Variants in AIG1 observed in about 807,000 individuals in gnomAD.
AIG1 encodes the protein androgen induced 1.
Under a neutral mutation model 31.4 loss-of-function variants are expected in AIG1, and 23 were observed. That is an observed-to-expected ratio of 0.73 (90% CI 0.53 to 1.04). The LOEUF (loss-of-function observed/expected upper bound fraction) is 1.04. AIG1 is among the 50% of genes least tolerant of loss of function. The pLI is 0.00. For missense variants in AIG1, 274 were observed against 295.0 expected, an observed-to-expected ratio of 0.93 and a Z score of 0.52; for synonymous variants, 100 against 110.5, an observed-to-expected ratio of 0.90 and a Z score of 0.60.
intron 2 of AIG1, among the ~76,000 whole-genome samples, chr6:143,156,830 C>T (rs1221591336): frequency 1.3e-5 from 2 of 152,290 alleles, no homozygotes; most frequent in South Asian, 2.1e-4. Flanking sequence ...TTGCGTTAGC[C>T]AGTCATTGGG....
intron 1 of AIG1, among the ~76,000 whole-genome samples, chr6:143,124,490 C>T (rs1180597351): frequency 6.6e-6 from 1 of 152,252 alleles, no homozygotes; most frequent in East Asian, 1.9e-4. Flanking sequence ...TGCACCTGCT[C>T]ATCGGTGGTG....
At chr6:143,174,486 CAAAAAAAAA>C (rs71024844) in intron 3 of AIG1, among the ~76,000 whole-genome samples, 1 of 59,660 alleles carries the variant, frequency 1.7e-5, no homozygotes. Flanking sequence ...GACTCCGTCT[CAAAAAAAAA>C]AAAAAAAAAA....
intron 1 of AIG1, among the ~76,000 whole-genome samples, chr6:143,127,067 A>G (rs17072258): frequency 0.039 from 5,920 of 152,290 alleles, 381 homozygotes; most frequent in African/African-American, 0.14. Context: ...TTTTATATGT[A>G]GATAGACTAT....
Position 143,328,162 on chromosome 6 carries a change from T to A in AIG1, c.516-5120T>A, listed in dbSNP as rs1017524191. Among the ~76,000 whole-genome samples the A allele has an allele frequency of 6.6e-6, 1 of 152,074 alleles. No individual in the cohort carries two copies. The highest frequency in any genetic ancestry group is 2.4e-5 in the African/African-American group (1 of 41,422). On this transcript the variant is annotated intron_variant, in intron 4 of 5. Transcript: ENST00000357847. This position sits in a 1 kb window ranked among gnomAD's most constrained non-coding sequence, Gnocchi z 4.0. ...TGGTAGGAGGAAAACCAAGAGAAATTGATGTCAAAGAAACCAGTATCTTTT... is the reference window on the plus strand; with the variant it reads ...TGGTAGGAGGAAAACCAAGAGAAATAGATGTCAAAGAAACCAGTATCTTTT...
intron 3 of AIG1, among the ~76,000 whole-genome samples, chr6:143,226,414 AT>A (rs34759325): frequency 5.5e-4 from 78 of 143,078 alleles, no homozygotes; most frequent in Admixed American, 5.6e-4. Context: ...TAATTTTTGT[AT>A]TTTTTTTTTT....
chr6:143,075,921 C>T (rs1305125319), intron 1 of AIG1, among the ~76,000 whole-genome samples: 1 of 152,126 alleles, frequency 6.6e-6, no homozygotes, highest in African/African-American at 2.4e-5. Flanking sequence ...AATTACATTA[C>T]AATCAGAGAT....
intron 1 of AIG1, among the ~76,000 whole-genome samples, chr6:143,112,709 G>A (rs139145065): frequency 1.3e-5 from 2 of 152,160 alleles, no homozygotes; most frequent in Non-Finnish European, 2.9e-5. Flanking sequence ...AAATATGGAC[G>A]GACAAATAAT....
rs909255368 is a variant in AIG1 at position 143,305,568 on chromosome 6, G to T, written c.515+21343G>T. ...GTTTCTTAATCCTGAGTTCTAGTTT[G>T]ATTGCACTGTGGTCTGAGAGACAGT... On this transcript the variant is annotated intron_variant, in intron 4 of 5. Transcript: ENST00000357847. 1.1e-4 allele frequency among the ~76,000 whole-genome samples: 16 copies of T among 152,164 alleles called. 1 individual carries two copies. The highest frequency in any genetic ancestry group is 2.2e-4 in the Non-Finnish European group (15 of 68,026).
At chr6:143,127,859 TGTATTTTTA>T (rs1378423445) in intron 1 of AIG1, among the ~76,000 whole-genome samples, 1 of 152,100 alleles carries the variant, frequency 6.6e-6, no homozygotes, top group Non-Finnish European at 1.5e-5. Context: ...AGCTACCTTT[TGTATTTTTA>T]GTAGAGATGG....
intron 1 of AIG1, 176 bp downstream of exon 1, chr6:143,061,242 CG>C (rs1776229104): frequency 1.2e-6 from 1 of 800,220 alleles, no homozygotes; most frequent in African/African-American, 1.7e-5. Context: ...TGGCTGCCCC[CG>C]CAGCGGCACC....
chr6:143,260,998 G>T (rs2128657885), intron 3 of AIG1, among the ~76,000 whole-genome samples: 1 of 152,274 alleles, frequency 6.6e-6, no homozygotes, highest in Non-Finnish European at 1.5e-5. Flanking sequence ...GGGAAGAGGA[G>T]GAGAAATTAA....
In AIG1 at chr6:143,333,586, T is replaced by A. The variant is rs1390425399; in HGVS notation, c.679+141T>A. 3.7e-6 allele frequency: 3 copies of A among 806,666 alleles called. No individual in the cohort carries two copies. The highest frequency in any genetic ancestry group is 5.3e-6 in the Non-Finnish European group (3 of 563,400). 50.0% of individuals were successfully genotyped at this position (806,666 alleles called of 1,614,324 possible). A position where few individuals can be genotyped will look rare whatever the true frequency, so the allele number is the denominator to read the frequency against. ...CTATAAAGAGCTCCATTTTTAAAAC[T>A]ACAATATGAATTTAAGAGCTGCTGA... On this transcript the variant is annotated intron_variant, in intron 5 of 5. Coordinates refer to ENST00000357847, the MANE Select transcript of AIG1 (RefSeq NM_016108.4). The surrounding 1 kb of genome is among the most constrained non-coding windows in gnomAD (Gnocchi z 4.6).
rs1375022226 is a variant in AIG1 at position 143,268,063 on chromosome 6, AGCTG to A, written c.400-16044_400-16041del. Among the ~76,000 whole-genome samples the A allele has an allele frequency of 1.3e-5, 2 of 152,202 alleles. No individual in the cohort carries two copies. The highest frequency in any genetic ancestry group is 6.5e-5 in the Admixed American group (1 of 15,284). On this transcript the variant is annotated intron_variant, in intron 3 of 5. Transcript: ENST00000357847. This position sits in a 1 kb window ranked among gnomAD's most constrained non-coding sequence, Gnocchi z 5.0. ...TACTGTTGATCTCATGCTGATCTGA[AGCTG>A]GCCAAAATATATATCCATGATGAAT...
intron 3 of AIG1, among the ~76,000 whole-genome samples, chr6:143,274,202 C>T (rs1041036604): frequency 5.9e-5 from 9 of 152,154 alleles, no homozygotes; most frequent in African/African-American, 2.2e-4. Context: ...AGGAGATCTA[C>T]CCCTGGCCAT....
intron 3 of AIG1, among the ~76,000 whole-genome samples, chr6:143,266,059 T>C (rs775655004): frequency 1.1e-4 from 16 of 152,310 alleles, no homozygotes; most frequent in South Asian, 6.2e-4. Context: ...AAGAATAATA[T>C]GGCCCATAAG....
At chr6:143,206,408 A>T (rs1791110688) in intron 3 of AIG1, among the ~76,000 whole-genome samples, 1 of 152,240 alleles carries the variant, frequency 6.6e-6, no homozygotes, top group Non-Finnish European at 1.5e-5. Flanking sequence ...GTGAATAAAA[A>T]TATCATTGGT....
chr6:143,250,051 G>T (rs1441908386), intron 3 of AIG1, among the ~76,000 whole-genome samples: 1 of 152,224 alleles, frequency 6.6e-6, no homozygotes, highest in Non-Finnish European at 1.5e-5. Flanking sequence ...GCACCATGGG[G>T]CCTCTAAGCA....
intron 4 of AIG1, among the ~76,000 whole-genome samples, chr6:143,320,124 C>A (rs1376069386): frequency 6.6e-6 from 1 of 152,076 alleles, no homozygotes; most frequent in African/African-American, 2.4e-5. Context: ...CAAAAGCTCC[C>A]CTTCACTAAT....
intron 3 of AIG1, among the ~76,000 whole-genome samples, chr6:143,244,695 A>G (rs1583609444): frequency 6.6e-6 from 1 of 152,262 alleles, no homozygotes; most frequent in South Asian, 2.1e-4. Flanking sequence ...GAGCTGATTT[A>G]ACTGCAAAGA....
Sources: gnomAD v4.1 joint callset for allele counts (sites outside exome capture counted in the v4.1 genomes callset) on GRCh38, gnomAD v4.1.1 for gene constraint, Gnocchi (gnomAD v3.1) non-coding constraint, MANE v1.5 for transcripts, NCBI Gene and HGNC (gene_info 2026-07-23, HGNC 2026-07-21) for gene names.